Variants in RNF150 observed in about 807,000 individuals in gnomAD.
RNF150 encodes ring finger protein 150.
Under a neutral mutation model 39.3 loss-of-function variants are expected in RNF150, and 24 were observed. That is an observed-to-expected ratio of 0.61 (90% confidence interval 0.44 to 0.86). The LOEUF is 0.86. RNF150 is among the 40% of genes least tolerant of loss of function. The pLI, the probability that RNF150 is intolerant of heterozygous loss-of-function variation, is 0.00. For synonymous variants in RNF150, 255 were observed against 227.3 expected, an observed-to-expected ratio of 1.12 and a Z score of -1.10; for missense variants, 502 against 587.8, an observed-to-expected ratio of 0.85 and a Z score of 1.51.
At chr4:141,083,972 C>T (rs1469075801) in intron 1 of RNF150, among the ~76,000 whole-genome samples, 3 of 152,126 alleles carry the variant, frequency 2.0e-5, no homozygotes, top group Admixed American at 6.5e-5. Context: ...TACATATACA[C>T]CTAATTTCTA....
intron 1 of RNF150, among the ~76,000 whole-genome samples, chr4:141,058,824 G>A (rs146216964): frequency 0.011 from 1,631 of 152,166 alleles, 13 homozygotes; most frequent in South Asian, 0.025. Flanking sequence ...CACCACTCCC[G>A]ACTAGATAAA....
Position 140,925,980 on chromosome 4 carries a change from G to C in RNF150, c.984C>G (p.Ile328Met). ...CKMNILKALG[I>M]PPNADCMDDL... ...CTGTAGGCTGTGCTGTGCTTACCGG[G>C]ATCCCTAGGGCTTTAAGAATGTTCA... The change falls in exon 5 of 7, where the codon ATC becomes ATG. Residue 328 changes from isoleucine to methionine, a missense_variant. By Grantham distance (10) the Ile-to-Met change is conservative (BLOSUM62 1). Coordinates refer to ENST00000515673, the MANE Select transcript of RNF150 (RefSeq NM_020724.2). 3 of 1,607,862 alleles carry C rather than the reference G, an allele frequency of 1.9e-6. No individual in the cohort carries two copies. In the South Asian group the frequency reaches 3.3e-5, roughly 18 times the overall value.
chr4:140,896,369 G>A (rs1729941794), intron 6 of RNF150, among the ~76,000 whole-genome samples: 1 of 15,658 alleles, frequency 6.4e-5, no homozygotes, highest in African/African-American at 2.5e-4. Context: ...AAAAAATGAT[G>A]AGTTCATATC....
intron 2 of RNF150, among the ~76,000 whole-genome samples, chr4:140,958,782 A>T (rs941490446): frequency 6.6e-6 from 1 of 152,160 alleles, no homozygotes; most frequent in African/African-American, 2.4e-5. Context: ...ATTTTCTTAA[A>T]GTACTCATCC....
chr4:141,123,339 A>T (rs1233267767), intron 1 of RNF150, among the ~76,000 whole-genome samples: 1 of 152,172 alleles, frequency 6.6e-6, no homozygotes, highest in Non-Finnish European at 1.5e-5. Context: ...GGTAACCATC[A>T]AGCAGTCCAT....
chr4:141,185,950 T>C (rs544937116), intron 1 of RNF150, among the ~76,000 whole-genome samples: 140 of 152,334 alleles, frequency 9.2e-4, no homozygotes, highest in African/African-American at 3.2e-3. Context: ...TTATTGAGGA[T>C]TTTTGCATCG....
At chr4:141,099,021 G>A (rs1369950383) in intron 1 of RNF150, among the ~76,000 whole-genome samples, 1 of 152,064 alleles carries the variant, frequency 6.6e-6, no homozygotes, top group African/African-American at 2.4e-5. Flanking sequence ...CCTGAAATGT[G>A]GCGATTTGGT....
intron 5 of RNF150, among the ~76,000 whole-genome samples, chr4:140,918,031 C>T (rs1344824763): frequency 2.0e-5 from 3 of 151,720 alleles, no homozygotes; most frequent in African/African-American, 7.3e-5. Context: ...CTCTGGGACA[C>T]ATTCAAAGCA....
intron 6 of RNF150, among the ~76,000 whole-genome samples, chr4:140,902,050 T>C (rs7658352): frequency 0.58 from 87,669 of 152,014 alleles, 26,038 homozygotes; most frequent in East Asian, 0.89. Flanking sequence ...ATAAAAATGT[T>C]TGGAGCAAAA....
chr4:140,899,785 C>A (rs1425437), intron 6 of RNF150, among the ~76,000 whole-genome samples: 84,378 of 151,740 alleles, frequency 0.56, 24,216 homozygotes, highest in East Asian at 0.84. Context: ...TAAATCACTT[C>A]AGCTGCAATA....
chr4:140,892,810 C>T (rs745923069), intron 6 of RNF150, among the ~76,000 whole-genome samples: 1 of 152,104 alleles, frequency 6.6e-6, no homozygotes, highest in Admixed American at 6.5e-5. Context: ...GCCTGTAATC[C>T]CAGCACTTGG....
At chr4:140,988,508 C>T (rs1454558530) in intron 1 of RNF150, among the ~76,000 whole-genome samples, 1 of 151,958 alleles carries the variant, frequency 6.6e-6, no homozygotes, top group Non-Finnish European at 1.5e-5. Flanking sequence ...TTTTATTATA[C>T]TTTAAGTTCT....
At chr4:141,182,185 T>C (rs1727919335) in intron 1 of RNF150, among the ~76,000 whole-genome samples, 1 of 139,404 alleles carries the variant, frequency 7.2e-6, no homozygotes, top group Admixed American at 7.6e-5. Flanking sequence ...TATTTCAAAA[T>C]AATAAGAGCT....
At chr4:140,982,962 C>T (rs1038030750) in intron 1 of RNF150, among the ~76,000 whole-genome samples, 2 of 152,116 alleles carry the variant, frequency 1.3e-5, no homozygotes, top group Non-Finnish European at 2.9e-5. Flanking sequence ...TTTTCATCAG[C>T]GATGACCTTG....
At chr4:141,165,966 G>A (rs949636068) in intron 1 of RNF150, among the ~76,000 whole-genome samples, 2 of 152,054 alleles carry the variant, frequency 1.3e-5, no homozygotes, top group Middle Eastern at 3.4e-3. Context: ...AACTGAAGGA[G>A]ACAGAGACAT....
chr4:141,012,199 C>G (rs922232834), intron 1 of RNF150, among the ~76,000 whole-genome samples: 1 of 152,268 alleles, frequency 6.6e-6, no homozygotes, highest in African/African-American at 2.4e-5. Context: ...GCAGCTGCTT[C>G]TCTTGGAGAA....
At chr4:141,138,063 ACTTT>A (rs890822401), upstream of RNF150, among the ~76,000 whole-genome samples, 14 of 152,184 alleles carry the variant, frequency 9.2e-5, no homozygotes, top group African/African-American at 2.9e-4. Flanking sequence ...AGCAAATTGA[ACTTT>A]CTTTAAGAAA....
At chr4:140,868,456 G>T in intron 6 of RNF150, 77 bp from the exon 7 acceptor site, 2 of 821,268 alleles carry the variant, frequency 2.4e-6, no homozygotes, top group Non-Finnish European at 4.2e-6. Context: ...ACAATTGCTT[G>T]TAATAACATT....
In RNF150 at chr4:141,132,356, G is replaced by A; in HGVS notation, c.453C>T (p.Asn151=). 4 of 1,592,318 alleles carry A rather than the reference G, an allele frequency of 2.5e-6. No individual in the cohort carries two copies. Among genetic ancestry groups the A allele is most frequent in the Non-Finnish European group, 3.4e-6 (4 of 1,169,738 alleles). ...GGGGCATGGTGATGGTCTCGTTGGT[G>A]TTGGAGCCCACGTTGAAGATGACCA... The part of the protein sequence containing the change: ...SAVVIFNVGS[N]TNETITMPHA... Residue 151 remains asparagine, a synonymous_variant, in exon 1 of 7, where the codon AAC becomes AAT. Transcript: ENST00000515673. The surrounding 1 kb of genome is among the most constrained non-coding windows in gnomAD (Gnocchi z 4.9).
Sources: allele counts gnomAD v4.1 joint callset (sites outside exome capture counted in the v4.1 genomes callset), GRCh38; gene constraint gnomAD v4.1.1; non-coding constraint Gnocchi (gnomAD v3.1); transcripts MANE v1.5; gene names NCBI Gene and HGNC (gene_info 2026-07-23, HGNC 2026-07-21).